MMS22L: variants seen among roughly 807,000 people sequenced by gnomAD.
MMS22L encodes MMS22 like, DNA repair protein.
A neutral mutation model predicts 159.1 loss-of-function variants in MMS22L; 74 were observed. The observed-to-expected ratio is 0.47, with a 90% CI of 0.39 to 0.56. The LOEUF (loss-of-function observed/expected upper bound fraction) is 0.56. Among genes scored for constraint, MMS22L ranks in the 20% least tolerant of loss-of-function variants. The pLI is 0.00. For missense variants in MMS22L, 1,351 were observed against 1,422.1 expected (o/e 0.95, Z 0.80); for synonymous variants, 517 against 506.9 (o/e 1.02, Z -0.27).
intron 1 of MMS22L, 192 bp downstream of exon 1, chr6:97,282,904 G>T (rs1582894273): frequency 1.3e-5 from 2 of 155,026 alleles, no homozygotes; most frequent in South Asian, 4.0e-4. Context: ...GGTGGAGAAC[G>T]CTCCCTCCCC....
At position 97,267,883 on chromosome 6, in the gene MMS22L, T is replaced by C; in HGVS notation, c.817A>G (p.Arg273Gly). 1 of 1,605,240 alleles carries C rather than the reference T, an allele frequency of 6.2e-7. No individual in the cohort carries two copies. Among genetic ancestry groups the C allele is most frequent in the South Asian group, 1.1e-5 (1 of 89,136 alleles). The change falls in exon 8 of 25, where the codon AGG becomes GGG. Residue 273 changes from arginine (R) to glycine (G), a missense_variant. Transcript: ENST00000683635. ...LCDLISLSLN[R>G]YDKVRSSESL... ...TCTTAAAGCATTACCTTGTCGTACC[T>C]GTTGAGTGACAGGCTTATTAAATCA... is the stretch of plus-strand genomic sequence containing the variant.
chr6:97,234,123 C>A, intron 11 of MMS22L, 143 bp from the exon 12 acceptor site: 2 of 829,460 alleles, frequency 2.4e-6, no homozygotes, highest in Non-Finnish European at 1.8e-6. Context: ...CATATGCAGA[C>A]TAGGTCTAAA....
At chr6:97,226,099 A>T (rs1333008501) in intron 14 of MMS22L, among the ~76,000 whole-genome samples, 2 of 152,202 alleles carry the variant, frequency 1.3e-5, no homozygotes, top group Non-Finnish European at 2.9e-5. Flanking sequence ...TACATTTACA[A>T]AGATGTTAAA....
chr6:97,280,514 G>A (rs1816665831), intron 3 of MMS22L, among the ~76,000 whole-genome samples: 1 of 152,052 alleles, frequency 6.6e-6, no homozygotes, highest in African/African-American at 2.4e-5. Context: ...TGTATTTTTA[G>A]TACAGAAGGG....
chr6:97,173,000 T>A (rs1803706666), intron 19 of MMS22L, 63 bp downstream of exon 19: 1 of 1,478,072 alleles, frequency 6.8e-7, no homozygotes, highest in Admixed American at 2.1e-5. Context: ...TACCTATCCA[T>A]CATGATAGTA....
At chr6:97,152,064 TAA>T (rs1350347052) in intron 22 of MMS22L, among the ~76,000 whole-genome samples, 197 bp from the exon 23 acceptor site, 1 of 152,200 alleles carries the variant, frequency 6.6e-6, no homozygotes, top group Non-Finnish European at 1.5e-5. Context: ...TAAGAAAATA[TAA>T]AAGTTTAAAA....
At chr6:97,153,320 T>C (rs929212904) in intron 22 of MMS22L, among the ~76,000 whole-genome samples, 1 of 151,454 alleles carries the variant, frequency 6.6e-6, no homozygotes, top group African/African-American at 2.4e-5. Flanking sequence ...GCTATCCCGA[T>C]TCCTTCTAAG....
At chr6:97,157,744 C>T (rs1177166524) in intron 22 of MMS22L, among the ~76,000 whole-genome samples, 1 of 152,108 alleles carries the variant, frequency 6.6e-6, no homozygotes. Context: ...AGGATTTTTG[C>T]ATTGATGTTC....
intron 18 of MMS22L, among the ~76,000 whole-genome samples, chr6:97,176,353 C>A (rs1274185217): frequency 6.6e-6 from 1 of 151,888 alleles, no homozygotes; most frequent in African/African-American, 2.4e-5. Context: ...GGCTTAACTT[C>A]CCTAGCCTAA....
chr6:97,165,450 C>T lies in MMS22L; in HGVS notation c.3017G>A (p.Cys1006Tyr), dbSNP rs777964889. The change falls in exon 21 of 25, where the codon TGT (cysteine) becomes TAT (tyrosine). Residue 1006 changes from cysteine to tyrosine, a missense_variant. Coordinates refer to ENST00000683635, the MANE Select transcript of MMS22L (RefSeq NM_001350599.2). ...ATTTTGAGATTGACAACACACGATA[C>T]ACATGCCCTACAAGGAAAAAAAGTA... ...KSLPLYLQGM[C>Y]IVCCQSQNPN... 1 of 1,611,346 alleles carries T rather than the reference C, an allele frequency of 6.2e-7. No individual in the cohort carries two copies. The highest frequency in any genetic ancestry group is 8.5e-7 in the Non-Finnish European group (1 of 1,178,828).
chr6:97,151,773 A>G lies in MMS22L; in HGVS notation c.3480T>C (p.Phe1160=), dbSNP rs1294259741. 1.2e-6 allele frequency: 2 copies of G among 1,613,134 alleles called. No individual in the cohort carries two copies. The highest frequency in any genetic ancestry group is 2.2e-5 in the South Asian group (2 of 91,040). ...EEPSSQLTSV[F]RQFIQDYGMR... ...CAGGTGGCATATTTTCCAGTTACCT[A>G]AACACAGAAGTCAGCTGGGAGGAAG... Residue 1160 remains phenylalanine (F), a splice_region_variant and synonymous_variant, in exon 23 of 25, where the codon TTT becomes TTC. Coordinates refer to ENST00000683635, the MANE Select transcript of MMS22L (RefSeq NM_001350599.2).
chr6:97,229,960 T>C (rs943924653), intron 13 of MMS22L, among the ~76,000 whole-genome samples: 4 of 152,180 alleles, frequency 2.6e-5, no homozygotes, highest in African/African-American at 9.7e-5. Flanking sequence ...TCAATACTAT[T>C]TAATACAATA....
intron 11 of MMS22L, 137 bp from the exon 12 acceptor site, chr6:97,234,117 T>C (rs1446008485): frequency 1.1e-6 from 1 of 882,900 alleles, no homozygotes; most frequent in Non-Finnish European, 1.7e-6. Flanking sequence ...CATTCTCATA[T>C]GCAGACTAGG....
In MMS22L at chr6:97,151,759, T is replaced by C; in HGVS notation, c.3482+12A>G. 1.2e-6 allele frequency: 2 copies of C among 1,609,524 alleles called. No homozygotes were observed. Among genetic ancestry groups the C allele is most frequent in the Non-Finnish European group, 1.7e-6 (2 of 1,176,438 alleles). ...AATAGTTTCCTTGCCAGGTGGCATATTTTCCAGTTACCTAAACACAGAAGT... is the reference window on the plus strand; with the variant it reads ...AATAGTTTCCTTGCCAGGTGGCATACTTTCCAGTTACCTAAACACAGAAGT... On this transcript the variant is annotated intron_variant, in intron 23 of 24. Transcript: ENST00000683635.
chr6:97,161,943 A>G, intron 22 of MMS22L, 59 bp downstream of exon 22: 2 of 1,503,396 alleles, frequency 1.3e-6, no homozygotes, highest in Non-Finnish European at 1.8e-6. Context: ...TTGAGGGGAA[A>G]CAGTAGTTTC....
intron 11 of MMS22L, among the ~76,000 whole-genome samples, chr6:97,243,178 T>A (rs1812265288): frequency 6.6e-6 from 1 of 152,218 alleles, no homozygotes; most frequent in Non-Finnish European, 1.5e-5. Flanking sequence ...TTTTCCAAAC[T>A]TTTAGATTTC....
intron 4 of MMS22L, among the ~76,000 whole-genome samples, chr6:97,277,056 C>T (rs1816304630): frequency 6.6e-6 from 1 of 152,094 alleles, no homozygotes; most frequent in Non-Finnish European, 1.5e-5. Context: ...ATAAAACAGC[C>T]TAAAAGCTGA....
At chr6:97,147,930 A>T (rs1454387727) in intron 24 of MMS22L, among the ~76,000 whole-genome samples, 1 of 152,216 alleles carries the variant, frequency 6.6e-6, no homozygotes, top group Non-Finnish European at 1.5e-5. Context: ...TTAATAAAAA[A>T]TTTTTGTCTA....
intron 2 of MMS22L, 85 bp downstream of exon 2, chr6:97,282,229 A>C (rs1221666792): frequency 3.6e-5 from 51 of 1,413,740 alleles, no homozygotes; most frequent in Non-Finnish European, 4.5e-5. Context: ...GGTGAACACC[A>C]AAGTTTAATG....
Sources: gnomAD v4.1 joint callset for allele counts (sites outside exome capture counted in the v4.1 genomes callset) on GRCh38, gnomAD v4.1.1 for gene constraint, MANE v1.5 for transcripts, NCBI Gene and HGNC (gene_info 2026-07-23, HGNC 2026-07-21) for gene names.